Variants in RBFOX1 observed in about 807,000 individuals in gnomAD.
The protein encoded by RBFOX1 is RNA binding protein fox-1 homolog 1.
A neutral mutation model predicts 57.7 loss-of-function variants in RBFOX1; 8 were observed. The ratio of observed to expected loss-of-function variants is 0.14; its 90% CI spans 0.08 to 0.25. The LOEUF (loss-of-function observed/expected upper bound fraction) is 0.25, where lower values mean the gene tolerates loss of function less well. Among genes scored for constraint, RBFOX1 ranks in the 10% least tolerant of loss-of-function variants. The pLI, the probability that RBFOX1 is intolerant of heterozygous loss-of-function variation, is 1.00. For missense variants in RBFOX1, 611 were observed against 548.5 expected (o/e 1.11, Z -1.14); for synonymous variants, 326 against 222.4 (o/e 1.47, Z -4.15).
chr16:7,588,508 A>G (rs562103040), intron 7 of RBFOX1, among the ~76,000 whole-genome samples: 10 of 152,346 alleles, frequency 6.6e-5, no homozygotes, highest in Non-Finnish European at 1.2e-4. Context: ...AATGCTTTCA[A>G]TAGCTCTGAC....
intron 3 of RBFOX1, among the ~76,000 whole-genome samples, chr16:7,010,101 A>G (rs1300608542): frequency 6.6e-6 from 1 of 152,204 alleles, no homozygotes; most frequent in East Asian, 1.9e-4. Flanking sequence ...CGGTTTGCCT[A>G]AGGGCATGAA....
intron 3 of RBFOX1, among the ~76,000 whole-genome samples, chr16:6,728,291 G>C (rs565958626): frequency 3.9e-5 from 6 of 152,244 alleles, no homozygotes; most frequent in African/African-American, 1.4e-4. Context: ...GAAATACAAG[G>C]TTGCAGTTTA....
chr16:7,349,882 C>A lies in RBFOX1; in HGVS notation c.28-168265C>A, dbSNP rs200210822. On this transcript the variant is annotated intron_variant, in intron 4 of 15. Transcript: ENST00000550418. ...AGGTTATGGGCCAGGCACGGTGGCTCATGCTTGTAATCCCAACACTTTGGG... is the reference window on the plus strand; with the variant it reads ...AGGTTATGGGCCAGGCACGGTGGCTAATGCTTGTAATCCCAACACTTTGGG... 3.3e-5 allele frequency among the ~76,000 whole-genome samples: 5 copies of A among 152,282 alleles called. No individual in the cohort carries two copies. The East Asian group carries it at 9.7e-4, about 29-fold the overall frequency.
chr16:7,473,100 A>G (rs939254507), intron 4 of RBFOX1, among the ~76,000 whole-genome samples: 3 of 152,182 alleles, frequency 2.0e-5, no homozygotes, highest in Admixed American at 1.3e-4. Context: ...GATCTCCGCT[A>G]GGTGCAGTGG....
chr16:5,789,894 A>G (rs1234193807), intron 3 of RBFOX1, among the ~76,000 whole-genome samples: 1 of 152,198 alleles, frequency 6.6e-6, no homozygotes, highest in Non-Finnish European at 1.5e-5. Flanking sequence ...TTTCTACCTT[A>G]AGGAAGTGAG....
chr16:6,339,441 C>T (rs528437428), intron 2 of RBFOX1, among the ~76,000 whole-genome samples: 10 of 152,208 alleles, frequency 6.6e-5, no homozygotes, highest in South Asian at 4.2e-4. Flanking sequence ...ATCCATCTCC[C>T]GGAGGAGCTG....
chr16:7,565,926 G>C (rs755574278), intron 5 of RBFOX1, among the ~76,000 whole-genome samples: 45 of 152,034 alleles, frequency 3.0e-4, no homozygotes, highest in South Asian at 8.3e-4. Context: ...CCGTGATGGT[G>C]AATTTGGGGA....
At chr16:6,161,314 G>T (rs1320618930) in intron 1 of RBFOX1, among the ~76,000 whole-genome samples, 2 of 151,744 alleles carry the variant, frequency 1.3e-5, no homozygotes, top group South Asian at 4.1e-4. Flanking sequence ...GCTTGAGCCT[G>T]GGAGGCAAAG....
chr16:6,534,230 G>A (rs895118032), intron 2 of RBFOX1, among the ~76,000 whole-genome samples: 4 of 152,052 alleles, frequency 2.6e-5, no homozygotes, highest in African/African-American at 9.7e-5. Context: ...AAAAAGAAAT[G>A]AATTGCTGAC....
Position 6,699,827 on chromosome 16 carries a change from G to A in RBFOX1, c.-16+45177G>A, listed in dbSNP as rs191251095. On this transcript the variant is annotated intron_variant, in intron 3 of 15. Transcript: ENST00000550418. ...GAAGAAAAACTCATGATGGTTGTAT[G>A]TAGATAAGTGTCAAATGAGGGGTCT... 1.5e-3 allele frequency among the ~76,000 whole-genome samples: 225 copies of A among 152,274 alleles called. 1 individual carries two copies. Among genetic ancestry groups the A allele is most frequent in the African/African-American group, 5.2e-3 (216 of 41,548 alleles).
In RBFOX1 at chr16:6,813,393, C is replaced by A. The variant is rs12924909; in HGVS notation, c.-16+158743C>A. ...TTGCAATTCCCATCTTGAGAATGCT[C>A]GTATGGGTTCCCAGGTGTCACCTCT... On this transcript the variant is annotated intron_variant, in intron 3 of 15. Transcript: ENST00000550418. Among the ~76,000 whole-genome samples the A allele has an allele frequency of 3.3e-5, 5 of 151,878 alleles. 1 individual carries two copies. In the South Asian group the frequency reaches 8.3e-4, roughly 25 times the overall value.
At chr16:5,403,873 G>A (rs2066789364) in intron 1 of RBFOX1, among the ~76,000 whole-genome samples, 1 of 152,082 alleles carries the variant, frequency 6.6e-6, no homozygotes, top group Non-Finnish European at 1.5e-5. Context: ...GAAATATACT[G>A]GGGAAAGATA....
intron 3 of RBFOX1, among the ~76,000 whole-genome samples, chr16:5,731,462 T>C (rs570314975): frequency 1.3e-4 from 20 of 152,326 alleles, no homozygotes; most frequent in Non-Finnish European, 1.5e-4. Flanking sequence ...GTACTGTTGC[T>C]ATCCCCATTT....
At chr16:6,013,139 A>C (rs1339325452) in intron 4 of RBFOX1, among the ~76,000 whole-genome samples, 4 of 152,198 alleles carry the variant, frequency 2.6e-5, no homozygotes, top group Non-Finnish European at 4.4e-5. Context: ...TTTAGCTCAC[A>C]TAGTTATTAA....
chr16:6,563,159 TGTC>T (rs1239308284), intron 2 of RBFOX1, among the ~76,000 whole-genome samples: 1 of 152,142 alleles, frequency 6.6e-6, no homozygotes, highest in Non-Finnish European at 1.5e-5. Context: ...GTTCCTGTGT[TGTC>T]GTCCTTTGTG....
intron 1 of RBFOX1, among the ~76,000 whole-genome samples, chr16:5,439,161 G>C (rs768242981): frequency 2.0e-5 from 3 of 152,040 alleles, no homozygotes; most frequent in Non-Finnish European, 2.9e-5. Flanking sequence ...GTGGGATAAG[G>C]CTTCACCTGT....
At chr16:6,496,287 C>T in intron 2 of RBFOX1, among the ~76,000 whole-genome samples, 1 of 152,050 alleles carries the variant, frequency 6.6e-6, no homozygotes, top group Non-Finnish European at 1.5e-5. Flanking sequence ...GGTGGTGTGA[C>T]CTAATATTTG....
intron 3 of RBFOX1, among the ~76,000 whole-genome samples, chr16:6,970,006 A>G (rs1299937916): frequency 6.6e-6 from 1 of 152,016 alleles, no homozygotes; most frequent in Non-Finnish European, 1.5e-5. Context: ...TGGGCAGCAT[A>G]GCAAGACCCC....
At chr16:5,653,478 G>A (rs200909639) in intron 3 of RBFOX1, among the ~76,000 whole-genome samples, 2 of 91,966 alleles carry the variant, frequency 2.2e-5, no homozygotes, top group East Asian at 4.0e-4. Flanking sequence ...GTGGGGTGCT[G>A]AGCCGTGTGC....
Sources: gnomAD v4.1 joint callset for allele counts (sites outside exome capture counted in the v4.1 genomes callset) on GRCh38, gnomAD v4.1.1 for gene constraint, MANE v1.5 for transcripts, NCBI Gene and HGNC (gene_info 2026-07-23, HGNC 2026-07-21) for gene names.